Variants in GBF1 observed in about 807,000 individuals in gnomAD.
GBF1 encodes the protein golgi brefeldin A resistant guanine nucleotide exchange factor 1, also known as Golgi-specific brefeldin A-resistance guanine nucleotide exchange factor 1.
Under a neutral mutation model 210.5 loss-of-function variants are expected in GBF1, and 114 were observed. That is an observed-to-expected ratio of 0.54 (90% CI 0.47 to 0.63). GBF1 has a LOEUF of 0.63. Among genes scored for constraint, GBF1 ranks in the 30% least tolerant of loss-of-function variants. The pLI is 0.00. For missense variants in GBF1, 1,851 were observed against 2,357.7 expected (o/e 0.79, Z 4.45); for synonymous variants, 850 against 889.2 (o/e 0.96, Z 0.78).
At chr10:102,284,838 A>C (rs1319310485) in intron 3 of GBF1, among the ~76,000 whole-genome samples, 1 of 152,090 alleles carries the variant, frequency 6.6e-6, no homozygotes, top group Non-Finnish European at 1.5e-5. Context: ...TAACTGCCAA[A>C]CAGTTTTCTA....
chr10:102,338,538 C>T (rs1196856070), intron 3 of GBF1, among the ~76,000 whole-genome samples: 1 of 151,966 alleles, frequency 6.6e-6, no homozygotes, highest in Non-Finnish European at 1.5e-5. Flanking sequence ...GCCACTGCGC[C>T]CAGCCGATTT....
rs2075856536 is a variant in GBF1, at chr10:102,285,477, T to C, written c.163+25361T>C. Among the ~76,000 whole-genome samples, 8 of 152,212 alleles carry C rather than the reference T, an allele frequency of 5.3e-5. No homozygotes were observed. In the South Asian group the frequency reaches 1.7e-3, roughly 31 times the overall value. On this transcript the variant is annotated intron_variant, in intron 3 of 39. Transcript: ENST00000369983. ...CTTACAATGATACTATGTACAGATA[T>C]TAAAACTCTAATGTTCCCATCTCCT...
rs760677438 is a variant in GBF1 at position 102,376,840 on chromosome 10, G to A, written c.4288+40G>A. 22 of 1,609,988 alleles carry A rather than the reference G, an allele frequency of 1.4e-5. No homozygotes were observed. In the South Asian group the frequency reaches 2.4e-4, roughly 18 times the overall value. ...GAGGGGGCAGCTGGGGAGTAGCCAT[G>A]CAATTATGCAGGGGAGAGGCTGAGA... On this transcript the variant is annotated intron_variant, in intron 32 of 39. Coordinates refer to ENST00000369983, the MANE Select transcript of GBF1 (RefSeq NM_001377137.1).
intron 2 of GBF1, among the ~76,000 whole-genome samples, chr10:102,259,767 T>C (rs78866791): frequency 0.01 from 1,565 of 152,324 alleles, 23 homozygotes; most frequent in African/African-American, 0.036. Flanking sequence ...GACAGAATAA[T>C]ACACATATAA....
At chr10:102,251,626 G>A (rs961112733) in intron 1 of GBF1, among the ~76,000 whole-genome samples, 6 of 151,958 alleles carry the variant, frequency 3.9e-5, no homozygotes, top group Non-Finnish European at 5.9e-5. Flanking sequence ...CGATCATACC[G>A]CAAGGCAACC....
chr10:102,235,172 A>ACCCAC, the GBF1 span, among the ~76,000 whole-genome samples: 5 of 77,264 alleles, frequency 6.5e-5, no homozygotes, highest in African/African-American at 1.6e-4. Context: ...CCCTTCCCCC[A>ACCCAC]CCCCCCACCC....
chr10:102,334,492 T>C (rs979438906), intron 3 of GBF1, among the ~76,000 whole-genome samples: 2 of 152,130 alleles, frequency 1.3e-5, no homozygotes, highest in Non-Finnish European at 2.9e-5. Context: ...TGAGGCCACA[T>C]GTTGAGGCCT....
chr10:102,357,305 A>G (rs1017659352), intron 8 of GBF1, among the ~76,000 whole-genome samples: 3 of 151,934 alleles, frequency 2.0e-5, no homozygotes, highest in African/African-American at 7.3e-5. Flanking sequence ...TGGCCAACAT[A>G]GTGAAACCCT....
chr10:102,329,366 G>T (rs978614669), intron 3 of GBF1, among the ~76,000 whole-genome samples: 2 of 152,208 alleles, frequency 1.3e-5, no homozygotes, highest in Non-Finnish European at 2.9e-5. Context: ...TTGTATGGCA[G>T]TACTACAAGC....
chr10:102,323,002 C>T (rs1364103848), intron 3 of GBF1, among the ~76,000 whole-genome samples: 1 of 152,010 alleles, frequency 6.6e-6, no homozygotes, highest in Non-Finnish European at 1.5e-5. Context: ...AACTTTGTGG[C>T]TTAAACCGAC....
chr10:102,307,878 C>A (rs2078053454), intron 3 of GBF1, among the ~76,000 whole-genome samples: 1 of 151,928 alleles, frequency 6.6e-6, no homozygotes, highest in South Asian at 2.1e-4. Flanking sequence ...ATAGAGGATA[C>A]CTAAATAATC....
intron 3 of GBF1, among the ~76,000 whole-genome samples, chr10:102,299,839 C>G (rs1340127413): frequency 1.3e-5 from 2 of 152,106 alleles, no homozygotes; most frequent in Non-Finnish European, 2.9e-5. Flanking sequence ...CCTACACATA[C>G]CTGTGTACTA....
upstream of GBF1, among the ~76,000 whole-genome samples, chr10:102,245,094 G>T (rs2070693820): frequency 6.6e-6 from 1 of 152,170 alleles, no homozygotes; most frequent in Admixed American, 6.5e-5. Context: ...ATTCCTCAAG[G>T]GGCATGGTCT....
At chr10:102,263,434 T>G (rs2073470865) in intron 3 of GBF1, among the ~76,000 whole-genome samples, 1 of 152,192 alleles carries the variant, frequency 6.6e-6, no homozygotes, top group Admixed American at 6.5e-5. Flanking sequence ...GACATGGTCC[T>G]TTTTTGCAAA....
chr10:102,347,558 T>G (rs1349633881), intron 4 of GBF1, among the ~76,000 whole-genome samples: 2 of 152,168 alleles, frequency 1.3e-5, no homozygotes, highest in Admixed American at 1.3e-4. Flanking sequence ...CATTGGAGTT[T>G]CCTGTGGTGG....
Position 102,382,536 on chromosome 10 carries a change from C to T in GBF1, c.*200C>T, listed in dbSNP as rs530551626. On this transcript the variant is annotated 3_prime_UTR_variant, in exon 40 of 40. Coordinates refer to ENST00000369983, the MANE Select transcript of GBF1 (RefSeq NM_001377137.1). The stretch of plus-strand genomic sequence containing the variant: ...GCTGTGGGACCTTTTTCCTCCTCTG[C>T]GCTCCATTCCTGGGGGTTCAGCCTG... 3.9e-5 allele frequency: 21 copies of T among 535,308 alleles called. No homozygotes were observed. In the East Asian group the frequency reaches 4.1e-4, roughly 10 times the overall value. The allele number at this position is 535,308 out of a possible 1,614,324, so 33.2% of individuals were successfully genotyped here. A position where few individuals can be genotyped will look rare whatever the true frequency, so the allele number is the denominator to read the frequency against.
intron 3 of GBF1, among the ~76,000 whole-genome samples, chr10:102,310,061 A>G (rs2078272298): frequency 6.6e-6 from 1 of 152,226 alleles, no homozygotes; most frequent in African/African-American, 2.4e-5. Context: ...GGAACTGGAA[A>G]GAAGCCATGT....
chr10:102,302,202 C>A (rs181854774), intron 3 of GBF1, among the ~76,000 whole-genome samples: 3 of 152,092 alleles, frequency 2.0e-5, no homozygotes, highest in Non-Finnish European at 2.9e-5. Flanking sequence ...TGCAGTGAGC[C>A]GAGATGGCGG....
intron 3 of GBF1, among the ~76,000 whole-genome samples, chr10:102,267,148 A>G (rs2073944450): frequency 6.6e-6 from 1 of 152,218 alleles, no homozygotes; most frequent in Non-Finnish European, 1.5e-5. Flanking sequence ...TTCATTTGGA[A>G]AATGGGGAGG....
Sources: gnomAD v4.1 joint callset for allele counts (sites outside exome capture counted in the v4.1 genomes callset) on GRCh38, gnomAD v4.1.1 for gene constraint, MANE v1.5 for transcripts, NCBI Gene and HGNC (gene_info 2026-07-23, HGNC 2026-07-21) for gene names.